Variants in TMEM67 observed in about 807,000 individuals in gnomAD.
The protein encoded by TMEM67 is transmembrane protein 67.
Under a neutral mutation model 136.6 loss-of-function variants are expected in TMEM67, and 124 were observed. The observed-to-expected ratio is 0.91, with a 90% CI of 0.78 to 1.05. The LOEUF (loss-of-function observed/expected upper bound fraction) is 1.05, where lower values mean the gene tolerates loss of function less well. TMEM67 is among the 50% of genes least tolerant of loss of function. The pLI is 0.00. For synonymous variants in TMEM67, 364 were observed against 390.5 expected (o/e 0.93, Z 0.80); for missense variants, 1,107 against 1,178.4 (o/e 0.94, Z 0.89).
Position 93,763,896 on chromosome 8 carries a change from A to AT in TMEM67, c.462dup (p.Gly155TrpfsTer3). 6.2e-7 allele frequency: 1 copy of AT among 1,613,940 alleles called. No homozygotes were observed. Among genetic ancestry groups the AT allele is most frequent in the Non-Finnish European group, 8.5e-7 (1 of 1,179,886 alleles). On this transcript the variant is annotated frameshift_variant, in exon 4 of 28. Coordinates refer to ENST00000453321, the MANE Select transcript of TMEM67 (RefSeq NM_153704.6). LOFTEE classifies it high-confidence loss of function. ...TCTCAAGCAACTTGTGAGCTCTGTGATGGAAATGAAAACTCTTTTATGGTA... is the reference window on the plus strand; with the variant it reads ...TCTCAAGCAACTTGTGAGCTCTGTGATTGGAAATGAAAACTCTTTTATGGTA...
chr8:93,819,049 C>T (rs1808998580), downstream of TMEM67: 1 of 448,990 alleles, frequency 2.2e-6, no homozygotes, highest in South Asian at 1.6e-5. Flanking sequence ...GAGATTCACC[C>T]ACCTCGGCCT....
At chr8:93,826,965 G>T in the TMEM67 span, among the ~76,000 whole-genome samples, 1 of 152,124 alleles carries the variant, frequency 6.6e-6, no homozygotes, top group South Asian at 2.1e-4. Context: ...AAGTAGCTGA[G>T]ATTACAGGCA....
intron 22 of TMEM67, 23 bp from the exon 23 acceptor site, chr8:93,804,739 T>C (rs1281859093): frequency 5.0e-6 from 7 of 1,405,284 alleles, no homozygotes; most frequent in East Asian, 4.6e-5. Context: ...TGCTATTTGC[T>C]TCTTTTTATT....
intron 6 of TMEM67, among the ~76,000 whole-genome samples, chr8:93,767,119 C>T (rs1318169337): frequency 6.6e-6 from 1 of 152,142 alleles, no homozygotes; most frequent in East Asian, 1.9e-4. Context: ...GAACTAGGTC[C>T]TCAGTGTTTT....
chr8:93,814,656 T>C (rs915536592), intron 26 of TMEM67, among the ~76,000 whole-genome samples: 9 of 150,380 alleles, frequency 6.0e-5, no homozygotes, highest in Admixed American at 1.3e-4. Context: ...TTCTTTCTTT[T>C]TTTTTTTTTT....
chr8:93,807,476 G>C (rs978706663), intron 23 of TMEM67, among the ~76,000 whole-genome samples: 14 of 152,028 alleles, frequency 9.2e-5, no homozygotes, highest in African/African-American at 2.9e-4. Context: ...GAATTGCTCA[G>C]GCTATAACGT....
chr8:93,755,937 T>C (rs765422932), intron 2 of TMEM67, 71 bp downstream of exon 2: 2 of 863,810 alleles, frequency 2.3e-6, no homozygotes, highest in Non-Finnish European at 3.7e-6. Context: ...TTTTTCAAAA[T>C]ATAATTTAAT....
At chr8:93,805,639 G>A (rs1032577999) in intron 23 of TMEM67, among the ~76,000 whole-genome samples, 5 of 151,060 alleles carry the variant, frequency 3.3e-5, no homozygotes, top group Admixed American at 3.3e-4. Context: ...CATTCATAAA[G>A]GGAAAGAATC....
downstream of TMEM67, chr8:93,819,332 G>A (rs989433737): frequency 7.9e-6 from 3 of 378,930 alleles, no homozygotes; most frequent in Non-Finnish European, 1.5e-5. Flanking sequence ...CCAGATAGAG[G>A]TCACCGATAG....
intron 21 of TMEM67, 122 bp from the exon 22 acceptor site, chr8:93,803,482 A>G (rs1345351424): frequency 1.1e-5 from 7 of 634,448 alleles, no homozygotes; most frequent in African/African-American, 3.7e-5. Flanking sequence ...ATCACATAGG[A>G]ACTGTTAAAG....
intron 21 of TMEM67, among the ~76,000 whole-genome samples, chr8:93,801,710 A>G (rs1212329106): frequency 6.6e-6 from 1 of 152,052 alleles, no homozygotes; most frequent in Non-Finnish European, 1.5e-5. Context: ...TTTTTAAGAG[A>G]GCTTATTCTT....
chr8:93,775,157 G>A (rs200896728), intron 7 of TMEM67, among the ~76,000 whole-genome samples: 1 of 152,108 alleles, frequency 6.6e-6, no homozygotes, highest in African/African-American at 2.4e-5. Context: ...AATGTCTTCT[G>A]TTGAGAAGTG....
In TMEM67 at chr8:93,817,896, A is replaced by T. The variant is rs1194281176; in HGVS notation, c.*1444A>T. On this transcript the variant is annotated 3_prime_UTR_variant, in exon 28 of 28. Transcript: ENST00000453321. The stretch of plus-strand genomic sequence containing the variant: ...AAATACATGTACTTATATGGCATGG[A>T]TATTTAAAACCACTCACTCAGAAGC... 3 of 152,234 alleles carry T rather than the reference A, an allele frequency of 2.0e-5. No homozygotes were observed. The highest frequency in any genetic ancestry group is 7.2e-5 in the African/African-American group (3 of 41,460). 9.4% of individuals were successfully genotyped at this position (152,234 alleles called of 1,614,324 possible).
intron 14 of TMEM67, 159 bp from the exon 15 acceptor site, chr8:93,791,104 A>G: frequency 1.7e-6 from 1 of 577,802 alleles, no homozygotes; most frequent in Non-Finnish European, 3.1e-6. Context: ...TCAAAAGCAT[A>G]TCTATTTACG....
intron 2 of TMEM67, 122 bp from the exon 3 acceptor site, chr8:93,758,361 A>G: frequency 1.4e-6 from 1 of 721,006 alleles, no homozygotes; most frequent in Non-Finnish European, 2.4e-6. Context: ...TGTGGCTCAT[A>G]TATGTATGAT....
intron 2 of TMEM67, among the ~76,000 whole-genome samples, chr8:93,757,766 ATT>A (rs202040147): frequency 1.4e-5 from 2 of 145,044 alleles, no homozygotes; most frequent in Non-Finnish European, 1.5e-5. Flanking sequence ...TCATAAATGA[ATT>A]TTTTTTTTTT....
chr8:93,825,124 A>G, the TMEM67 span, among the ~76,000 whole-genome samples: 1 of 152,380 alleles, frequency 6.6e-6, no homozygotes, highest in East Asian at 1.9e-4. Flanking sequence ...GGTGCCAGGA[A>G]TAGGTCAGTG....
At chr8:93,785,475 G>C in intron 12 of TMEM67, 97 bp downstream of exon 12, 2 of 1,258,508 alleles carry the variant, frequency 1.6e-6, no homozygotes, top group South Asian at 1.2e-5. Context: ...TATAAGAAAG[G>C]TCATGAATTC....
At chr8:93,777,330 G>A (rs1167819579) in intron 7 of TMEM67, among the ~76,000 whole-genome samples, 2 of 152,060 alleles carry the variant, frequency 1.3e-5, no homozygotes, top group East Asian at 3.9e-4. Flanking sequence ...TTTTTGAAGG[G>A]TTTTTTGTGT....
Sources: allele counts gnomAD v4.1 joint callset (sites outside exome capture counted in the v4.1 genomes callset), GRCh38; gene constraint gnomAD v4.1.1; transcripts MANE v1.5; gene names NCBI Gene and HGNC (gene_info 2026-07-23, HGNC 2026-07-21).